The following GRM7 variants were observed in gnomAD, a reference collection of about 807,000 sequenced individuals.
GRM7 encodes glutamate metabotropic receptor 7.
Under a neutral mutation model 84.5 loss-of-function variants are expected in GRM7, and 35 were observed. The observed-to-expected ratio is 0.41, with a 90% CI of 0.32 to 0.55. GRM7 has a LOEUF of 0.55. Among genes scored for constraint, GRM7 ranks in the 20% least tolerant of loss-of-function variants. GRM7 has a pLI of 0.19. For missense variants in GRM7, 1,003 were observed against 1,194.6 expected (o/e 0.84, Z 2.36); for synonymous variants, 487 against 455.1 (o/e 1.07, Z -0.89).
At chr3:7,357,948 A>C (rs1477807465) in intron 4 of GRM7, among the ~76,000 whole-genome samples, 1 of 152,136 alleles carries the variant, frequency 6.6e-6, no homozygotes, top group Non-Finnish European at 1.5e-5. Context: ...TCATGAGCTT[A>C]ACTCATGTCA....
intron 1 of GRM7, among the ~76,000 whole-genome samples, chr3:6,890,505 G>T (rs1695889431): frequency 6.6e-6 from 1 of 152,138 alleles, no homozygotes; most frequent in African/African-American, 2.4e-5. Context: ...TAGTCATTTA[G>T]TAGCAGGTTG....
intron 2 of GRM7, 127 bp downstream of exon 2, chr3:7,146,795 G>T: frequency 1.5e-6 from 1 of 659,728 alleles, no homozygotes. Flanking sequence ...AAGTACACCT[G>T]TGATGTCTTC....
At chr3:6,870,526 C>T (rs897358950) in intron 1 of GRM7, among the ~76,000 whole-genome samples, 4 of 152,154 alleles carry the variant, frequency 2.6e-5, no homozygotes, top group Non-Finnish European at 5.9e-5. Context: ...TTGTCATTTA[C>T]TCTAAATGTT....
chr3:7,463,110 CAAAT>C (rs1199339259), intron 7 of GRM7, among the ~76,000 whole-genome samples: 1 of 101,712 alleles, frequency 9.8e-6, no homozygotes, highest in Non-Finnish European at 2.6e-5. Flanking sequence ...GGGTCAGCCT[CAAAT>C]AAAGGTAAGA....
At chr3:7,642,379 C>T (rs17047770) in intron 8 of GRM7, among the ~76,000 whole-genome samples, 2,911 of 152,116 alleles carry the variant, frequency 0.019, 88 homozygotes, top group African/African-American at 0.066. Flanking sequence ...ACATGCATAT[C>T]GTGCACTCTC....
Position 7,598,361 on chromosome 3 carries a change from G to C in GRM7, c.2451+19004G>C, listed in dbSNP as rs4686141. On this transcript the variant is annotated intron_variant, in intron 8 of 9. Transcript: ENST00000357716. ...AGGTTGAGGAGCACATGGATATCTG[G>C]TGAGCACTCTCTTTGCCACAGTGAA... is the stretch of plus-strand genomic sequence containing the variant. Among the ~76,000 whole-genome samples, 227 of 152,258 alleles carry C rather than the reference G, an allele frequency of 1.5e-3. 1 individual carries two copies. The highest frequency in any genetic ancestry group is 0.01 in the Admixed American group (153 of 15,290).
chr3:7,439,573 TCA>T (rs1697200871), intron 5 of GRM7, among the ~76,000 whole-genome samples: 1 of 152,208 alleles, frequency 6.6e-6, no homozygotes, highest in Non-Finnish European at 1.5e-5. Flanking sequence ...CCCAGACCCT[TCA>T]CAGTTTGTGA....
chr3:7,361,648 T>G (rs1693669070), intron 4 of GRM7, among the ~76,000 whole-genome samples: 1 of 152,082 alleles, frequency 6.6e-6, no homozygotes, highest in Non-Finnish European at 1.5e-5. Flanking sequence ...TCAGGATTCT[T>G]TGGTTGAAAG....
chr3:7,521,068 G>T (rs757440697), intron 7 of GRM7, among the ~76,000 whole-genome samples: 1 of 152,170 alleles, frequency 6.6e-6, no homozygotes, highest in Non-Finnish European at 1.5e-5. Context: ...GATAATAATT[G>T]TTCAGCTGCA....
At chr3:7,731,410 G>A (rs1348951034) in intron 9 of GRM7, among the ~76,000 whole-genome samples, 5 of 152,196 alleles carry the variant, frequency 3.3e-5, no homozygotes, top group African/African-American at 7.2e-5. Flanking sequence ...AGAGAGCAAA[G>A]TGAAACTGCA....
At position 6,928,859 on chromosome 3, in the gene GRM7, C is replaced by T. The variant is rs546823916; in HGVS notation, c.519+66952C>T. Among the ~76,000 whole-genome samples, 1 of 152,238 alleles carries T rather than the reference C, an allele frequency of 6.6e-6. No individual in the cohort carries two copies. Among genetic ancestry groups the T allele is most frequent in the South Asian group, 2.1e-4 (1 of 4,824 alleles). On this transcript the variant is annotated intron_variant, in intron 1 of 9. Transcript: ENST00000357716. The surrounding 1 kb of genome is among the most constrained non-coding windows in gnomAD (Gnocchi z 4.5). ...TGTCATTCATGATGATTAGGTTCCC[C>T]CATATTTGAACTGGTACATAAAATG...
intron 2 of GRM7, among the ~76,000 whole-genome samples, chr3:7,167,973 C>CA (rs60681836): frequency 1.2e-3 from 68 of 54,630 alleles, no homozygotes; most frequent in African/African-American, 2.8e-3. Flanking sequence ...GACTCTGTCT[C>CA]AAAAAAAAAA....
intron 7 of GRM7, among the ~76,000 whole-genome samples, chr3:7,567,046 G>C (rs55659026): frequency 5.9e-4 from 90 of 152,294 alleles, no homozygotes; most frequent in African/African-American, 2.0e-3. Flanking sequence ...ATCCGTTCTT[G>C]ATGTATAATT....
At chr3:6,958,508 G>T (rs908623611) in intron 1 of GRM7, among the ~76,000 whole-genome samples, 1 of 152,010 alleles carries the variant, frequency 6.6e-6, no homozygotes, top group Non-Finnish European at 1.5e-5. Context: ...GTATTTGTGT[G>T]GATGTTATTC....
At chr3:7,652,981 A>G (rs778505361) in intron 8 of GRM7, among the ~76,000 whole-genome samples, 4 of 152,022 alleles carry the variant, frequency 2.6e-5, no homozygotes, top group Admixed American at 1.3e-4. Flanking sequence ...CTGTTGAACC[A>G]TAGGGTCTCT....
At chr3:7,411,371 T>A (rs920025563) in intron 4 of GRM7, among the ~76,000 whole-genome samples, 8 of 152,166 alleles carry the variant, frequency 5.3e-5, no homozygotes, top group Admixed American at 3.9e-4. Context: ...TTAAAAATAG[T>A]TATAACATTA....
At chr3:7,159,747 A>G (rs1694565799) in intron 2 of GRM7, among the ~76,000 whole-genome samples, 1 of 152,200 alleles carries the variant, frequency 6.6e-6, no homozygotes, top group Non-Finnish European at 1.5e-5. Flanking sequence ...TGTCTGTGTC[A>G]GGACGTAGTA....
chr3:7,069,993 GAA>G (rs1697804984), intron 1 of GRM7, among the ~76,000 whole-genome samples: 1 of 152,016 alleles, frequency 6.6e-6, no homozygotes, highest in Admixed American at 6.6e-5. Context: ...TTTCCTTTGA[GAA>G]AATAAACCAA....
chr3:6,999,066 G>A (rs1403889768), intron 1 of GRM7, among the ~76,000 whole-genome samples: 1 of 152,144 alleles, frequency 6.6e-6, no homozygotes, highest in East Asian at 1.9e-4. Context: ...TTGTCAGGCT[G>A]CAAACTTTCC....
Sources: gnomAD v4.1 joint callset for allele counts (sites outside exome capture counted in the v4.1 genomes callset) on GRCh38, gnomAD v4.1.1 for gene constraint, Gnocchi (gnomAD v3.1) non-coding constraint, MANE v1.5 for transcripts, NCBI Gene and HGNC (gene_info 2026-07-23, HGNC 2026-07-21) for gene names.